GYG1: variants seen among roughly 807,000 people sequenced by gnomAD.
GYG1 encodes the protein glycogenin 1.
In GYG1, 44 loss-of-function variants were observed where a neutral mutation model predicts 41.9. That is an observed-to-expected ratio of 1.05 (90% confidence interval 0.83 to 1.35). The LOEUF (loss-of-function observed/expected upper bound fraction) is 1.35, where lower values mean the gene tolerates loss of function less well. Among genes scored for constraint, GYG1 ranks in the 40% most tolerant of loss-of-function variants. The pLI, the probability that GYG1 is intolerant of heterozygous loss-of-function variation, is 0.00. For synonymous variants in GYG1, 141 were observed against 158.1 expected, an observed-to-expected ratio of 0.89 and a Z score of 0.81; for missense variants, 429 against 418.9, an observed-to-expected ratio of 1.02 and a Z score of -0.21.
chr3:149,014,721 A>C (rs1713922752), intron 5 of GYG1, among the ~76,000 whole-genome samples: 1 of 152,060 alleles, frequency 6.6e-6, no homozygotes, highest in Admixed American at 6.6e-5. Flanking sequence ...CATAAAAATT[A>C]GCTGGGCGTA....
At chr3:149,005,505 T>G (rs1208958436) in intron 4 of GYG1, among the ~76,000 whole-genome samples, 1 of 152,252 alleles carries the variant, frequency 6.6e-6, no homozygotes, top group Non-Finnish European at 1.5e-5. Context: ...CTGAATCATA[T>G]TCCATGAGTA....
intron 4 of GYG1, among the ~76,000 whole-genome samples, chr3:149,006,451 T>C (rs1009735313): frequency 1.3e-5 from 2 of 152,216 alleles, no homozygotes; most frequent in Non-Finnish European, 2.9e-5. Context: ...ATTAATTTGC[T>C]TCCTATCTCT....
chr3:148,994,016 AT>A lies in GYG1; in HGVS notation c.8-124del, dbSNP rs113610694. ...TTTCTCCCCAAAGGGCTACAGCTTG[AT>A]TCATAGAGAAAGTTGATGTTAGAGG... On this transcript the variant is annotated intron_variant, in intron 1 of 7. Transcript: ENST00000345003. 8,662 of 835,564 alleles carry A rather than the reference AT, an allele frequency of 0.01. 565 individuals are homozygous for A. In the African/African-American group the frequency reaches 0.13, roughly 12 times the overall value. 51.8% of individuals were successfully genotyped at this position (835,564 alleles called of 1,614,324 possible).
chr3:149,017,770 G>GTT (rs559013912), intron 5 of GYG1, among the ~76,000 whole-genome samples: 5 of 132,092 alleles, frequency 3.8e-5, no homozygotes, highest in Non-Finnish European at 6.6e-5. Flanking sequence ...TGCCCAGCTA[G>GTT]TTTTTTTTTT....
At chr3:149,015,873 A>G (rs1024645762) in intron 5 of GYG1, among the ~76,000 whole-genome samples, 1 of 152,128 alleles carries the variant, frequency 6.6e-6, no homozygotes, top group African/African-American at 2.4e-5. Flanking sequence ...GGGTGGGGAC[A>G]ATGCAGAAAA....
At position 149,030,301 on chromosome 3, in the gene GYG1, ATATTTATCCTT is replaced by A. The variant is rs918207626; in HGVS notation, c.*3369_*3379del. ...GTTTTCATTCCAGTGGCTTTTTTAT[ATATTTATCCTT>A]CTTAGGAAGGACAAATTAAATTTTT... On this transcript the variant is annotated 3_prime_UTR_variant, in exon 8 of 8. Coordinates refer to ENST00000345003, the MANE Select transcript of GYG1 (RefSeq NM_004130.4). The A allele has an allele frequency of 6.6e-6, 1 of 152,204 alleles. No homozygotes were observed. The highest frequency in any genetic ancestry group is 2.4e-5 in the African/African-American group (1 of 41,460). The allele number at this position is 152,204 out of a possible 1,614,324, so 9.4% of individuals were successfully genotyped here.
intron 5 of GYG1, among the ~76,000 whole-genome samples, chr3:149,017,354 G>A (rs1156306522): frequency 6.6e-6 from 1 of 151,616 alleles, no homozygotes; most frequent in African/African-American, 2.4e-5. Flanking sequence ...GGGTCAGAAT[G>A]AATGGCTCTC....
intron 5 of GYG1, 142 bp downstream of exon 5, chr3:149,009,544 C>A: frequency 1.1e-6 from 1 of 884,350 alleles, no homozygotes; most frequent in Non-Finnish European, 1.9e-6. Context: ...AGAACCGTGG[C>A]TGCAATGGGG....
At chr3:148,994,541 TC>T (rs1712681743) in intron 2 of GYG1, among the ~76,000 whole-genome samples, 1 of 152,108 alleles carries the variant, frequency 6.6e-6, no homozygotes, top group Non-Finnish European at 1.5e-5. Context: ...GGAGTCGTCT[TC>T]CTTCACTCCA....
chr3:148,992,161 G>A (rs566414912), intron 1 of GYG1, among the ~76,000 whole-genome samples: 42 of 152,396 alleles, frequency 2.8e-4, no homozygotes, highest in African/African-American at 9.9e-4. Flanking sequence ...CTATTTTTAG[G>A]CCTTTGGGGC....
intron 4 of GYG1, chr3:149,007,871 T>C (rs1389343807): frequency 6.6e-6 from 1 of 152,120 alleles, no homozygotes. Context: ...GAGACTCTGG[T>C]TCTGAGTGTG....
rs895583735 is a variant in GYG1 at position 149,026,384 on chromosome 3, G to A, written c.829-68G>A. 1.2e-5 allele frequency: 12 copies of A among 962,188 alleles called. No individual in the cohort carries two copies. The Middle Eastern group carries it at 6.2e-4, about 50-fold the overall frequency. 59.6% of individuals were successfully genotyped at this position (962,188 alleles called of 1,614,324 possible). A position where few individuals can be genotyped will look rare whatever the true frequency, so the allele number is the denominator to read the frequency against. On this transcript the variant is annotated intron_variant, in intron 6 of 7. Coordinates refer to ENST00000345003, the MANE Select transcript of GYG1 (RefSeq NM_004130.4). ...CAACCTTTCAGAGCCCACACAGATT[G>A]AGAATTTATCTTGAGACTTGTGTTC...
intron 4 of GYG1, among the ~76,000 whole-genome samples, chr3:149,007,149 A>T (rs1045260270): frequency 2.0e-5 from 3 of 152,190 alleles, no homozygotes; most frequent in Non-Finnish European, 4.4e-5. Context: ...TAACTGCTGC[A>T]TGTGGCAGAA....
rs905656266 is a variant in GYG1 at position 148,991,544 on chromosome 3, C to A, written c.-97C>A. On this transcript the variant is annotated 5_prime_UTR_variant, in exon 1 of 8. Transcript: ENST00000345003. The stretch of plus-strand genomic sequence containing the variant: ...CGCACGGGGCAGACGCTCGGTTCCC[C>A]GCCGTGCCTCCTCGCTGGCCGCGCT... The A allele has an allele frequency of 4.0e-6, 6 of 1,482,956 alleles. No homozygotes were observed. The highest frequency in any genetic ancestry group is 1.4e-5 in the African/African-American group (1 of 70,946). 91.9% of individuals were successfully genotyped at this position (1,482,956 alleles called of 1,614,324 possible).
intron 4 of GYG1, among the ~76,000 whole-genome samples, chr3:149,005,098 A>T (rs1038159189): frequency 6.6e-6 from 1 of 152,258 alleles, no homozygotes; most frequent in Non-Finnish European, 1.5e-5. Context: ...TCAGTTAAAG[A>T]AGGTGTTATA....
At position 149,029,453 on chromosome 3, in the gene GYG1, A is replaced by ATAAAG. The variant is rs780170376; in HGVS notation, c.*2525_*2529dup. ...TGGTGGATGGAGCTATGGTTTATGC[A>ATAAAG]TAAAGTAAATGTTTGTTTACCTTAA... On this transcript the variant is annotated 3_prime_UTR_variant, in exon 8 of 8. Coordinates refer to ENST00000345003, the MANE Select transcript of GYG1 (RefSeq NM_004130.4). 8.5e-5 allele frequency among the ~76,000 whole-genome samples: 13 copies of ATAAAG among 152,320 alleles called. No individual in the cohort carries two copies. The highest frequency in any genetic ancestry group is 1.5e-4 in the Non-Finnish European group (10 of 68,042).
At chr3:148,999,942 C>A (rs923808001) in intron 4 of GYG1, among the ~76,000 whole-genome samples, 1 of 152,182 alleles carries the variant, frequency 6.6e-6, no homozygotes, top group Non-Finnish European at 1.5e-5. Flanking sequence ...TCTCGCAGGT[C>A]ATGTTTTTAA....
chr3:148,991,888 C>T (rs900443400), intron 1 of GYG1, among the ~76,000 whole-genome samples: 2 of 152,226 alleles, frequency 1.3e-5, no homozygotes, highest in African/African-American at 4.8e-5. Context: ...AGCTCTCGTT[C>T]CTGCTTCCGT....
rs544261523 is a variant in GYG1 at position 149,023,930 on chromosome 3, G to C, written c.609-123G>C. ...TGTCATGCTACTGCACTCCAGCCTGGGTGACAGAGTGAGACACTGTCTCTT... is the reference window on the plus strand; with the variant it reads ...TGTCATGCTACTGCACTCCAGCCTGCGTGACAGAGTGAGACACTGTCTCTT... On this transcript the variant is annotated intron_variant, in intron 5 of 7. Coordinates refer to ENST00000345003, the MANE Select transcript of GYG1 (RefSeq NM_004130.4). 22 of 748,598 alleles carry C rather than the reference G, an allele frequency of 2.9e-5. No individual in the cohort carries two copies. The South Asian group carries it at 3.0e-4, about 10-fold the overall frequency. 46.4% of individuals were successfully genotyped at this position (748,598 alleles called of 1,614,324 possible).
Sources: gnomAD v4.1 joint callset for allele counts (sites outside exome capture counted in the v4.1 genomes callset) on GRCh38, gnomAD v4.1.1 for gene constraint, MANE v1.5 for transcripts, NCBI Gene and HGNC (gene_info 2026-07-23, HGNC 2026-07-21) for gene names.